Variants in SUDS3 observed in about 807,000 individuals in gnomAD.
SUDS3 encodes sin3 histone deacetylase corepressor complex component SDS3.
In SUDS3, 23 loss-of-function variants were observed where a neutral mutation model predicts 53.5. That is an observed-to-expected ratio of 0.43 (90% CI 0.31 to 0.61). The LOEUF (loss-of-function observed/expected upper bound fraction) is 0.61, where lower values mean the gene tolerates loss of function less well. Among genes scored for constraint, SUDS3 ranks in the 20% least tolerant of loss-of-function variants. The pLI is 0.10. For missense variants in SUDS3, 291 were observed against 405.9 expected, an observed-to-expected ratio of 0.72 and a Z score of 2.43; for synonymous variants, 150 against 148.5, an observed-to-expected ratio of 1.01 and a Z score of -0.08.
At chr12:118,394,392 T>G (rs2046195440) in intron 6 of SUDS3, among the ~76,000 whole-genome samples, 1 of 152,172 alleles carries the variant, frequency 6.6e-6, no homozygotes, top group South Asian at 2.1e-4. Context: ...CTCAGAGAAG[T>G]GGAGCCATTT....
At chr12:118,392,993 C>T (rs1019680832) in intron 6 of SUDS3, among the ~76,000 whole-genome samples, 5 of 152,130 alleles carry the variant, frequency 3.3e-5, no homozygotes, top group African/African-American at 7.2e-5. Flanking sequence ...TCATTTGTAA[C>T]GCAATAAAAT....
intron 11 of SUDS3, among the ~76,000 whole-genome samples, chr12:118,413,053 T>A (rs1001079514): frequency 6.6e-6 from 1 of 152,214 alleles, no homozygotes; most frequent in African/African-American, 2.4e-5. Context: ...TAGCTTTTCT[T>A]GGGATCAGTT....
chr12:118,395,665 A>C (rs1298657945), intron 6 of SUDS3, among the ~76,000 whole-genome samples: 3 of 151,892 alleles, frequency 2.0e-5, no homozygotes, highest in Non-Finnish European at 4.4e-5. Context: ...TTGGCCTCCA[A>C]AGACCTAACA....
In SUDS3 at chr12:118,394,394, G is replaced by A. The variant is rs74612627; in HGVS notation, c.517+3112G>A. On this transcript the variant is annotated intron_variant, in intron 6 of 11. Coordinates refer to ENST00000543473, the MANE Select transcript of SUDS3 (RefSeq NM_022491.3). ...ATGGCAGAGGTGGCTCAGAGAAGTG[G>A]AGCCATTTGCTCACAGTCCCTCAGT... 1.5e-3 allele frequency among the ~76,000 whole-genome samples: 232 copies of A among 152,276 alleles called. 3 individuals carry two copies. Among genetic ancestry groups the A allele is most frequent in the Non-Finnish European group, 1.9e-3 (129 of 68,032 alleles).
At chr12:118,391,969 A>G (rs1382705126) in intron 6 of SUDS3, among the ~76,000 whole-genome samples, 1 of 152,162 alleles carries the variant, frequency 6.6e-6, no homozygotes, top group African/African-American at 2.4e-5. Flanking sequence ...ACATATGGGA[A>G]CTCAGCAGGT....
intron 2 of SUDS3, among the ~76,000 whole-genome samples, chr12:118,382,813 GC>G (rs2046079005): frequency 6.8e-6 from 1 of 146,956 alleles, no homozygotes; most frequent in African/African-American, 2.6e-5. Flanking sequence ...GATTACAGGC[GC>G]CCACCACCAC....
chr12:118,385,298 G>A (rs1302157682), intron 3 of SUDS3, among the ~76,000 whole-genome samples: 1 of 152,034 alleles, frequency 6.6e-6, no homozygotes. Flanking sequence ...TAATAGAAAC[G>A]GGGTTTCACC....
intron 9 of SUDS3, among the ~76,000 whole-genome samples, chr12:118,403,063 C>T (rs1039851980): frequency 2.6e-5 from 4 of 152,178 alleles, no homozygotes; most frequent in Non-Finnish European, 5.9e-5. Flanking sequence ...CTGCTGAAAA[C>T]GATTGCATTT....
At chr12:118,406,835 T>C (rs2046312559) in intron 10 of SUDS3, among the ~76,000 whole-genome samples, 1 of 147,650 alleles carries the variant, frequency 6.8e-6, no homozygotes, top group South Asian at 2.3e-4. Context: ...TAAATTCTTA[T>C]GTTAAGGTTG....
intron 10 of SUDS3, among the ~76,000 whole-genome samples, chr12:118,405,512 T>C (rs776240332): frequency 1.3e-4 from 20 of 152,264 alleles, no homozygotes; most frequent in South Asian, 6.2e-4. Context: ...TCACCATCTT[T>C]CTTACATTAA....
rs898026283 is a variant in SUDS3, at chr12:118,378,683, A to AT, written c.143-1470dup. 2.9e-4 allele frequency among the ~76,000 whole-genome samples: 43 copies of AT among 148,190 alleles called. 1 individual carries two copies. Among genetic ancestry groups the AT allele is most frequent in the Admixed American group, 9.4e-4 (14 of 14,864 alleles). On this transcript the variant is annotated intron_variant, in intron 1 of 11. Transcript: ENST00000543473. ...TTTTATTTGTTGTTTTGTTTATTTT[A>AT]TTTTTTTTTGAGATGGAGTTTCACT...
In SUDS3 at chr12:118,416,212, G is replaced by T. The variant is rs891462617; in HGVS notation, c.*1779G>T. On this transcript the variant is annotated 3_prime_UTR_variant, in exon 12 of 12. Coordinates refer to ENST00000543473, the MANE Select transcript of SUDS3 (RefSeq NM_022491.3). ...TGTTGGTTTTCATGTAGTGCCCTGC[G>T]ATGGAAATTAGATATATTTCATGTA... 1.3e-5 allele frequency: 2 copies of T among 152,172 alleles called. No individual in the cohort carries two copies. The highest frequency in any genetic ancestry group is 4.8e-5 in the African/African-American group (2 of 41,434). 9.4% of individuals were successfully genotyped at this position (152,172 alleles called of 1,614,324 possible).
chr12:118,404,341 C>G (rs2046291599), intron 10 of SUDS3: 1 of 152,232 alleles, frequency 6.6e-6, no homozygotes, highest in South Asian at 2.1e-4. Context: ...GAACTCCTGA[C>G]CTCACATGAT....
chr12:118,376,967 G>A, intron 1 of SUDS3, 134 bp downstream of exon 1: 4 of 1,209,286 alleles, frequency 3.3e-6, no homozygotes, highest in Non-Finnish European at 4.3e-6. Context: ...GGAGTTGCGG[G>A]GCTCGGGGAA....
chr12:118,381,226 A>C (rs535768418), intron 2 of SUDS3, among the ~76,000 whole-genome samples: 7 of 151,032 alleles, frequency 4.6e-5, no homozygotes, highest in South Asian at 2.1e-4. Flanking sequence ...TTTTTTTGAG[A>C]TGGAGTCTTG....
In SUDS3 at chr12:118,414,509, T is replaced by A; in HGVS notation, c.*76T>A. Reference sequence around the variant, plus strand: ...TTGTTTTGTTTCGTTTTCTCCTTAATAGAAAAATGTTAACTTACTGGGAAT... The same window carrying A: ...TTGTTTTGTTTCGTTTTCTCCTTAAAAGAAAAATGTTAACTTACTGGGAAT... On this transcript the variant is annotated 3_prime_UTR_variant, in exon 12 of 12. Transcript: ENST00000543473. The A allele has an allele frequency of 8.3e-7, 1 of 1,205,266 alleles. No individual in the cohort carries two copies. 74.7% of individuals were successfully genotyped at this position (1,205,266 alleles called of 1,614,324 possible). A position where few individuals can be genotyped will look rare whatever the true frequency, so the allele number is the denominator to read the frequency against.
chr12:118,400,187 G>A (rs1035076970), intron 6 of SUDS3, among the ~76,000 whole-genome samples: 7 of 152,154 alleles, frequency 4.6e-5, no homozygotes, highest in African/African-American at 1.2e-4. Context: ...TGAAAACTTC[G>A]TATAAAAATG....
chr12:118,389,979 CCTGT>C (rs773478756), intron 5 of SUDS3, 33 bp downstream of exon 5: 2 of 1,613,828 alleles, frequency 1.2e-6, no homozygotes, highest in South Asian at 2.2e-5. Flanking sequence ...GTTTGCAGGC[CCTGT>C]CTGAGACTGG....
At chr12:118,405,772 G>A (rs2046303622) in intron 10 of SUDS3, among the ~76,000 whole-genome samples, 1 of 152,224 alleles carries the variant, frequency 6.6e-6, no homozygotes, top group Non-Finnish European at 1.5e-5. Flanking sequence ...TGCAGTGCCA[G>A]CCTCTCCCAT....
Sources: allele counts gnomAD v4.1 joint callset (sites outside exome capture counted in the v4.1 genomes callset), GRCh38; gene constraint gnomAD v4.1.1; transcripts MANE v1.5; gene names NCBI Gene and HGNC (gene_info 2026-07-23, HGNC 2026-07-21).